The following KIF1B variants were observed in gnomAD, a reference collection of about 807,000 sequenced individuals.
KIF1B encodes the protein kinesin family member 1B.
In KIF1B, 76 loss-of-function variants were observed where a neutral mutation model predicts 241.9. That is an observed-to-expected ratio of 0.31 (90% CI 0.26 to 0.38). KIF1B has a LOEUF of 0.38. Ranked by LOEUF, KIF1B falls within the 10% of genes least tolerant of loss-of-function variation. KIF1B has a pLI of 1.00. For synonymous variants in KIF1B, 750 were observed against 796.7 expected (o/e 0.94, Z 0.99); for missense variants, 1,622 against 2,271.4 (o/e 0.71, Z 5.81).
At chr1:10,233,405 C>A (rs973712258) in intron 2 of KIF1B, among the ~76,000 whole-genome samples, 2 of 151,994 alleles carry the variant, frequency 1.3e-5, no homozygotes, top group Non-Finnish European at 2.9e-5. Context: ...TACTTGAGTC[C>A]AGGAGTTGAG....
At chr1:10,352,062 G>C (rs911553990) in intron 37 of KIF1B, among the ~76,000 whole-genome samples, 1 of 147,298 alleles carries the variant, frequency 6.8e-6, no homozygotes, top group Admixed American at 6.6e-5. Flanking sequence ...GGAACGGGGA[G>C]GTGTGAATAG....
chr1:10,276,750 G>T (rs1418455613), intron 12 of KIF1B, among the ~76,000 whole-genome samples: 1 of 151,614 alleles, frequency 6.6e-6, no homozygotes, highest in Non-Finnish European at 1.5e-5. Context: ...TCTATAAAAA[G>T]AAGTGTCCCC....
At chr1:10,242,870 C>T (rs770148389) in intron 2 of KIF1B, among the ~76,000 whole-genome samples, 11 of 152,064 alleles carry the variant, frequency 7.2e-5, no homozygotes, top group South Asian at 2.1e-4. Flanking sequence ...GTATGCAGCC[C>T]GCTGATGGAC....
At chr1:10,252,256 T>C (rs1569574976) in intron 2 of KIF1B, among the ~76,000 whole-genome samples, 1 of 151,922 alleles carries the variant, frequency 6.6e-6, no homozygotes, top group African/African-American at 2.4e-5. Context: ...GCCAGGCTGG[T>C]CGCAAACTCC....
rs147043919 is a variant in KIF1B, at chr1:10,361,717, T to C, written c.4196T>C (p.Val1399Ala). The change falls in exon 40 of 49, where the codon GTC becomes GCC. Residue 1399 changes from valine to alanine, a missense_variant. This residue lies in a region of KIF1B where 803 missense variants were observed against 1,112.0 expected (regional missense o/e 0.72). Transcript: ENST00000676179. ...LELDHCIQPA[V>A]ITKDVCMVFY... Reference sequence around the variant, plus strand: ...CTGGATCATTGCATCCAGCCGGCTGTCATCACCAAGGATGTGTGCATGGTC... The same window carrying C: ...CTGGATCATTGCATCCAGCCGGCTGCCATCACCAAGGATGTGTGCATGGTC... The C allele has an allele frequency of 2.0e-5, 33 of 1,614,084 alleles. No homozygotes were observed. Among genetic ancestry groups the C allele is most frequent in the Non-Finnish European group, 2.7e-5 (32 of 1,180,022 alleles).
At chr1:10,223,487 A>G (rs1646870521) in intron 1 of KIF1B, among the ~76,000 whole-genome samples, 1 of 151,676 alleles carries the variant, frequency 6.6e-6, no homozygotes, top group Admixed American at 6.6e-5. Flanking sequence ...ATGACTGGAT[A>G]ACATTTTCAC....
At chr1:10,251,331 CT>C (rs35158325) in intron 2 of KIF1B, among the ~76,000 whole-genome samples, 50,293 of 144,194 alleles carry the variant, frequency 0.35, 10,582 homozygotes, top group African/African-American at 0.61. Flanking sequence ...TTTTTCCTTT[CT>C]TTTTTTTTTT....
At chr1:10,249,506 A>T (rs1647323135) in intron 2 of KIF1B, among the ~76,000 whole-genome samples, 1 of 152,204 alleles carries the variant, frequency 6.6e-6, no homozygotes, top group African/African-American at 2.4e-5. Context: ...TCCATAAGAC[A>T]TGGTCCAAGC....
intron 37 of KIF1B, among the ~76,000 whole-genome samples, chr1:10,350,484 T>TG (rs35516775): frequency 0.53 from 80,821 of 151,870 alleles, 22,195 homozygotes; most frequent in African/African-American, 0.67. Context: ...GGCATGAACC[T>TG]GGAGGCGGAG....
intron 44 of KIF1B, 22 bp from the exon 45 acceptor site, chr1:10,371,119 G>T (rs748723693): frequency 7.4e-6 from 12 of 1,614,096 alleles, no homozygotes; most frequent in Non-Finnish European, 1.0e-5. Flanking sequence ...AATGTAACTT[G>T]TAGTGTTCGG....
Position 10,337,255 on chromosome 1 carries a change from T to C in KIF1B, c.3259+52T>C, listed in dbSNP as rs372559168. 8 of 1,613,678 alleles carry C rather than the reference T, an allele frequency of 5.0e-6. No individual in the cohort carries two copies. In the African/African-American group the frequency reaches 1.1e-4, roughly 22 times the overall value. On this transcript the variant is annotated intron_variant, in intron 30 of 48. Coordinates refer to ENST00000676179, the MANE Select transcript of KIF1B (RefSeq NM_001365951.3). The surrounding 1 kb of genome is among the most constrained non-coding windows in gnomAD (Gnocchi z 4.0). ...GGGGACATTTTCGACAAAGGGAAAATATTGACCATTATCAAGGGACATAGT... is the reference window on the plus strand; with the variant it reads ...GGGGACATTTTCGACAAAGGGAAAACATTGACCATTATCAAGGGACATAGT...
In KIF1B at chr1:10,365,080, C is replaced by G. The variant is rs1391985774; in HGVS notation, c.4367-20C>G. ...TTGAATTTTTTTTCTGAAACAAAAA[C>G]TTGTTTCCTCTTGTCTTAGGTATGC... is the stretch of plus-strand genomic sequence containing the variant. On this transcript the variant is annotated intron_variant, in intron 41 of 48. Coordinates refer to ENST00000676179, the MANE Select transcript of KIF1B (RefSeq NM_001365951.3). This position sits in a 1 kb window ranked among gnomAD's most constrained non-coding sequence, Gnocchi z 4.0. 1.9e-6 allele frequency: 3 copies of G among 1,599,022 alleles called. No homozygotes were observed. The highest frequency in any genetic ancestry group is 1.1e-5 in the South Asian group (1 of 90,346).
rs1638832463 is a variant in KIF1B, at chr1:10,374,541, C to T, written c.5096+76C>T. ...GAAGAAGTGACTGGCCAGCTCTTCC[C>T]TGTGAGGTCTGTACTGTAGTCTGAT... is the stretch of plus-strand genomic sequence containing the variant. On this transcript the variant is annotated intron_variant, in intron 46 of 48. Coordinates refer to ENST00000676179, the MANE Select transcript of KIF1B (RefSeq NM_001365951.3). This position sits in a 1 kb window ranked among gnomAD's most constrained non-coding sequence, Gnocchi z 4.3. The T allele has an allele frequency of 3.4e-6, 5 of 1,481,296 alleles. No individual in the cohort carries two copies. The highest frequency in any genetic ancestry group is 4.7e-6 in the Non-Finnish European group (5 of 1,062,458). The allele number at this position is 1,481,296 out of a possible 1,614,324, so 91.8% of individuals were successfully genotyped here.
Position 10,374,303 on chromosome 1 carries a change from C to G in KIF1B, c.4947-13C>G, listed in dbSNP as rs1638826414. On this transcript the variant is annotated splice_polypyrimidine_tract_variant and intron_variant, in intron 45 of 48. Transcript: ENST00000676179. This position sits in a 1 kb window ranked among gnomAD's most constrained non-coding sequence, Gnocchi z 4.3. ...CTTGTTACCCTTTTCTTTCTAATCT[C>G]TCTATTTTAAAGGACCCCAGAAGCC... 6.8e-6 allele frequency: 11 copies of G among 1,613,158 alleles called. No homozygotes were observed. The highest frequency in any genetic ancestry group is 9.3e-6 in the Non-Finnish European group (11 of 1,179,140).
intron 43 of KIF1B, among the ~76,000 whole-genome samples, 192 bp from the exon 44 acceptor site, chr1:10,368,275 T>C (rs775960370): frequency 4.6e-5 from 7 of 152,136 alleles, no homozygotes; most frequent in Admixed American, 2.0e-4. Flanking sequence ...AATTTACTGA[T>C]TTATTAGAAA....
chr1:10,350,453 G>A (rs964885663), intron 37 of KIF1B, among the ~76,000 whole-genome samples: 13 of 140,196 alleles, frequency 9.3e-5, no homozygotes, highest in South Asian at 9.1e-4. Flanking sequence ...CCAACTGCTC[G>A]GGAGGCTGAG....
Position 10,272,290 on chromosome 1 carries a change from C to T in KIF1B, c.848C>T (p.Ser283Leu). ...CTTACAACTTTGGGCAAAGTCATTT[C>T]AGCCTTGGCCGAGGTGGTAAGTTTT... Reference protein sequence around the residue: ...KSLTTLGKVISALAEVDNCTS... With the variant: ...KSLTTLGKVILALAEVDNCTS... Residue 283 changes from serine (S) to leucine (L), a missense_variant, in exon 9 of 49, where the codon TCA becomes TTA. This residue lies in a region of KIF1B where 201 missense variants were observed against 301.2 expected (regional missense o/e 0.67). Transcript: ENST00000676179. 1.9e-6 allele frequency: 3 copies of T among 1,606,966 alleles called. No homozygotes were observed. The highest frequency in any genetic ancestry group is 2.6e-6 in the Non-Finnish European group (3 of 1,173,554).
intron 2 of KIF1B, among the ~76,000 whole-genome samples, chr1:10,238,671 C>T (rs931701313): frequency 6.6e-6 from 1 of 151,790 alleles, no homozygotes; most frequent in Non-Finnish European, 1.5e-5. Flanking sequence ...TGTCGCTGCA[C>T]TCCAGCCTGG....
intron 11 of KIF1B, 130 bp downstream of exon 11, chr1:10,275,633 C>T: frequency 1.4e-6 from 1 of 732,598 alleles, no homozygotes; most frequent in African/African-American, 1.7e-5. Context: ...TGTTCCTTGC[C>T]TGCTTTCATT....
Sources: allele counts gnomAD v4.1 joint callset (sites outside exome capture counted in the v4.1 genomes callset), GRCh38; gene constraint gnomAD v4.1.1; regional missense constraint gnomAD v4.1.1; non-coding constraint Gnocchi (gnomAD v3.1); transcripts MANE v1.5; gene names NCBI Gene and HGNC (gene_info 2026-07-23, HGNC 2026-07-21).